SRCAP: variants seen among roughly 807,000 people sequenced by gnomAD.
SRCAP encodes the protein Snf2 related CREBBP activator protein.
Under a neutral mutation model 263.1 loss-of-function variants are expected in SRCAP, and 46 were observed. The observed-to-expected ratio is 0.17, with a 90% CI of 0.14 to 0.22. The LOEUF (loss-of-function observed/expected upper bound fraction) is 0.22. Among genes scored for constraint, SRCAP ranks in the 10% least tolerant of loss-of-function variants. The pLI, the probability that SRCAP is intolerant of heterozygous loss-of-function variation, is 1.00. For missense variants in SRCAP, 3,695 were observed against 4,181.9 expected (o/e 0.88, Z 3.21); for synonymous variants, 1,813 against 1,662.1 (o/e 1.09, Z -2.21).
rs1326359425 is a variant in SRCAP, at chr16:30,733,844, G to GT, written c.6495-47dup. On this transcript the variant is annotated intron_variant, in intron 29 of 33. Coordinates refer to ENST00000262518, the MANE Select transcript of SRCAP (RefSeq NM_006662.3). The surrounding 1 kb of genome is among the most constrained non-coding windows in gnomAD (Gnocchi z 5.3). ...ACCTTACTTTCCGTTTACTGATGGG[G>GT]TTTCCTGGATATATTTGGCTGCTTA... The GT allele has an allele frequency of 6.2e-7, 1 of 1,612,188 alleles. No homozygotes were observed. The highest frequency in any genetic ancestry group is 1.1e-5 in the South Asian group (1 of 90,994).
intron 18 of SRCAP, among the ~76,000 whole-genome samples, chr16:30,719,869 A>G (rs2052992852): frequency 6.6e-6 from 1 of 152,086 alleles, no homozygotes; most frequent in African/African-American, 2.4e-5. Flanking sequence ...GGTATATTGC[A>G]TGATGCTGAG....
intron 18 of SRCAP, among the ~76,000 whole-genome samples, chr16:30,718,799 T>A (rs2052980233): frequency 6.6e-6 from 1 of 152,160 alleles, no homozygotes; most frequent in African/African-American, 2.4e-5. Flanking sequence ...TGTAGTTCAA[T>A]TTATCAATTT....
At chr16:30,732,864 G>A (rs1322794687) in intron 27 of SRCAP, among the ~76,000 whole-genome samples, 13 of 152,096 alleles carry the variant, frequency 8.5e-5, no homozygotes, top group Admixed American at 6.6e-4. Flanking sequence ...ACAGGGTCTC[G>A]CTTTGTTGCC....
rs890417809 is a variant in SRCAP at position 30,699,176 on chromosome 16, T to A, written c.-350T>A. 1.3e-5 allele frequency: 5 copies of A among 398,548 alleles called. No homozygotes were observed. The highest frequency in any genetic ancestry group is 4.4e-5 in the Admixed American group (1 of 22,694). The allele number at this position is 398,548 out of a possible 1,614,324, so 24.7% of individuals were successfully genotyped here. On this transcript the variant is annotated 5_prime_UTR_variant, in exon 1 of 34. Coordinates refer to ENST00000262518, the MANE Select transcript of SRCAP (RefSeq NM_006662.3). ...GAGGTCAGGGGTCACGCGAGGTCAGTCCGTCGGGAGGGCTAGGGAGATGGT... is the reference window on the plus strand; with the variant it reads ...GAGGTCAGGGGTCACGCGAGGTCAGACCGTCGGGAGGGCTAGGGAGATGGT...
In SRCAP at chr16:30,738,968, C is replaced by T. The variant is rs2053191913; in HGVS notation, c.8928C>T (p.Thr2976=). 3 of 1,613,522 alleles carry T rather than the reference C, an allele frequency of 1.9e-6. No individual in the cohort carries two copies. Among genetic ancestry groups the T allele is most frequent in the African/African-American group, 2.7e-5 (2 of 74,938 alleles). The stretch of plus-strand genomic sequence containing the variant: ...CACCCCCACACCCATCACCCCTAAC[C>T]CCACTCCCACCACTGCTAGTTTGTC... The part of the protein sequence containing the change: ...TQPPPHPSPL[T]PLPPLLVCPT... Residue 2976 remains threonine (T), a synonymous_variant, in exon 34 of 34, where the codon ACC becomes ACT. Transcript: ENST00000262518.
In SRCAP at chr16:30,723,049, T is replaced by C. The variant is rs766052253; in HGVS notation, c.3979T>C (p.Leu1327=). 1.9e-6 allele frequency: 3 copies of C among 1,614,054 alleles called. No homozygotes were observed. The highest frequency in any genetic ancestry group is 4.5e-5 in the East Asian group (2 of 44,856). Residue 1327 remains leucine (L), a synonymous_variant, in exon 24 of 34, where the codon TTG becomes CTG. Coordinates refer to ENST00000262518, the MANE Select transcript of SRCAP (RefSeq NM_006662.3). ...PRDGLTPVPP[L]APAPRPPSSG... Reference sequence around the variant, plus strand: ...GGATGGACTGACTCCTGTTCCTCCATTGGCCCCAGCACCCCGGCCTCCGAG... The same window carrying C: ...GGATGGACTGACTCCTGTTCCTCCACTGGCCCCAGCACCCCGGCCTCCGAG...
chr16:30,703,181 A>AT (rs570286516), intron 3 of SRCAP, among the ~76,000 whole-genome samples: 10 of 147,142 alleles, frequency 6.8e-5, no homozygotes, highest in East Asian at 2.0e-4. Context: ...ATGTATATAA[A>AT]TTTTTTTTTT....
At chr16:30,717,298 T>G (rs1246647706) in intron 18 of SRCAP, among the ~76,000 whole-genome samples, 1 of 152,198 alleles carries the variant, frequency 6.6e-6, no homozygotes, top group African/African-American at 2.4e-5. Flanking sequence ...TTTGGGTGTT[T>G]GTGTGGTGGT....
chr16:30,737,183 C>A lies in SRCAP; in HGVS notation c.7143C>A (p.Arg2381=). 1 of 1,614,012 alleles carries A rather than the reference C, an allele frequency of 6.2e-7. No homozygotes were observed. The highest frequency in any genetic ancestry group is 8.5e-7 in the Non-Finnish European group (1 of 1,179,996). ...SCGTGGGTHR[R]SKKAKAPERP... The stretch of plus-strand genomic sequence containing the variant: ...GGACTGGTGGAGGCACCCACCGGCG[C>A]AGTAAAAAGGCCAAAGCCCCTGAGA... Residue 2381 remains arginine, a synonymous_variant, in exon 34 of 34, where the codon CGC becomes CGA. Transcript: ENST00000262518.
At chr16:30,727,355 A>G (rs2053073596) in intron 25 of SRCAP, among the ~76,000 whole-genome samples, 1 of 152,214 alleles carries the variant, frequency 6.6e-6, no homozygotes, top group Non-Finnish European at 1.5e-5. Context: ...AGTTCTTTAT[A>G]TATTCTGATT....
At position 30,721,433 on chromosome 16, in the gene SRCAP, A is replaced by G; in HGVS notation, c.3498A>G (p.Pro1166=). Reference sequence around the variant, plus strand: ...CAGTGCCAGCTCCGACTCCTGCACCACAGCGCCTCATTCTATCTCCCGATA... The same window carrying G: ...CAGTGCCAGCTCCGACTCCTGCACCGCAGCGCCTCATTCTATCTCCCGATA... ...TTAVPAPTPA[P]QRLILSPDMQ... Residue 1166 remains proline (P), a synonymous_variant, in exon 21 of 34, where the codon CCA becomes CCG. Transcript: ENST00000262518. 2.5e-6 allele frequency: 4 copies of G among 1,612,850 alleles called. No individual in the cohort carries two copies. Among genetic ancestry groups the G allele is most frequent in the Non-Finnish European group, 3.4e-6 (4 of 1,180,024 alleles).
chr16:30,712,950 G>A, intron 14 of SRCAP, 135 bp downstream of exon 14: 1 of 1,214,150 alleles, frequency 8.2e-7, no homozygotes, highest in Non-Finnish European at 1.1e-6. Context: ...AATAAAGATG[G>A]GGTCTCACTA....
At position 30,711,942 on chromosome 16, in the gene SRCAP, G is replaced by T. The variant is rs1272369447; in HGVS notation, c.1600G>T (p.Ala534Ser). ...ATCTGAGTCTGAAGAGTCTGAGGATGCCCAATCACAGAGCCAAGCAGATGA... is the reference window on the plus strand; with the variant it reads ...ATCTGAGTCTGAAGAGTCTGAGGATTCCCAATCACAGAGCCAAGCAGATGA... ...EESESEESED[A>S]QSQSQADEEE... The change falls in exon 12 of 34, where the codon GCC (alanine) becomes TCC (serine). Residue 534 changes from alanine to serine, a missense_variant. Physicochemically the swap from Ala to Ser is moderately conservative, Grantham distance 99. Transcript: ENST00000262518. 1.2e-6 allele frequency: 2 copies of T among 1,613,862 alleles called. No individual in the cohort carries two copies. Among genetic ancestry groups the T allele is most frequent in the Non-Finnish European group, 1.7e-6 (2 of 1,180,006 alleles).
At chr16:30,732,133 A>T (rs887850630) in intron 27 of SRCAP, among the ~76,000 whole-genome samples, 12 of 151,986 alleles carry the variant, frequency 7.9e-5, no homozygotes, top group Non-Finnish European at 1.6e-4. Context: ...TAATAGAGCC[A>T]GACCTTGTCT....
At position 30,737,586 on chromosome 16, in the gene SRCAP, G is replaced by C; in HGVS notation, c.7546G>C (p.Ala2516Pro). 1 of 1,613,920 alleles carries C rather than the reference G, an allele frequency of 6.2e-7. No homozygotes were observed. Residue 2516 changes from alanine to proline, a missense_variant, in exon 34 of 34, where the codon GCC (alanine) becomes CCC (proline). Physicochemically the swap from Ala to Pro is conservative, Grantham distance 27 (BLOSUM62 -1). Around this residue, in one of 12 missense-constraint regions of SRCAP, gnomAD observed 1,207 missense variants for 1,142.9 expected, o/e 1.06. Transcript: ENST00000262518. ...TPPPAHTPPP[A>P]QTCLVTPSSP... is the part of the protein sequence containing the mutation. Reference sequence around the variant, plus strand: ...TCCACCAGCTCATACACCGCCTCCAGCCCAAACCTGTCTTGTAACTCCTTC... The same window carrying C: ...TCCACCAGCTCATACACCGCCTCCACCCCAAACCTGTCTTGTAACTCCTTC...
rs2053219095 is a variant in SRCAP at position 30,741,002 on chromosome 16, T to G, written c.*1269T>G. On this transcript the variant is annotated 3_prime_UTR_variant, in exon 34 of 34. Coordinates refer to ENST00000262518, the MANE Select transcript of SRCAP (RefSeq NM_006662.3). ...GCCAGGGCCTAGAGGACCTGAGAAG[T>G]AGGGAGACAAGAAATGATTAAGTAG... 2 of 152,142 alleles carry G rather than the reference T, an allele frequency of 1.3e-5. No homozygotes were observed. Among genetic ancestry groups the G allele is most frequent in the Non-Finnish European group, 2.9e-5 (2 of 68,038 alleles). 9.4% of individuals were successfully genotyped at this position (152,142 alleles called of 1,614,324 possible). A position where few individuals can be genotyped will look rare whatever the true frequency, so the allele number is the denominator to read the frequency against.
intron 25 of SRCAP, chr16:30,726,354 G>A (rs919405210): frequency 2.0e-5 from 3 of 152,162 alleles, no homozygotes; most frequent in Non-Finnish European, 4.4e-5. Context: ...ATGGACAGGT[G>A]TTCTCAGTTT....
chr16:30,716,779 A>G (rs1346754333), intron 18 of SRCAP, among the ~76,000 whole-genome samples: 1 of 152,190 alleles, frequency 6.6e-6, no homozygotes, highest in Non-Finnish European at 1.5e-5. Context: ...AAAGGGTATT[A>G]AATTCTTTAC....
rs1048502301 is a variant in SRCAP at position 30,733,615 on chromosome 16, G to A, written c.6311G>A (p.Arg2104Gln). 5 of 1,613,372 alleles carry A rather than the reference G, an allele frequency of 3.1e-6. No individual in the cohort carries two copies. Among genetic ancestry groups the A allele is most frequent in the South Asian group, 1.1e-5 (1 of 91,048 alleles). ...RVEQRQALME[R>Q]FNADKRIFCF... ...CTTTCCTTCTAGGCCTTGATGGAACGGTTCAATGCAGACAAACGCATATTC... is the reference window on the plus strand; with the variant it reads ...CTTTCCTTCTAGGCCTTGATGGAACAGTTCAATGCAGACAAACGCATATTC... The change falls in exon 29 of 34, where the codon CGG (arginine) becomes CAG (glutamine). Residue 2104 changes from arginine (R) to glutamine (Q), a missense_variant. By Grantham distance (43) the Arg-to-Gln change is conservative. This residue lies in a region of SRCAP where 138 missense variants were observed against 254.9 expected (regional missense o/e 0.54). Coordinates refer to ENST00000262518, the MANE Select transcript of SRCAP (RefSeq NM_006662.3). The surrounding 1 kb of genome is among the most constrained non-coding windows in gnomAD (Gnocchi z 5.3).
Sources: allele counts gnomAD v4.1 joint callset (sites outside exome capture counted in the v4.1 genomes callset), GRCh38; gene constraint gnomAD v4.1.1; regional missense constraint gnomAD v4.1.1; non-coding constraint Gnocchi (gnomAD v3.1); transcripts MANE v1.5; gene names NCBI Gene and HGNC (gene_info 2026-07-23, HGNC 2026-07-21).